The following RTN1 variants were observed in gnomAD, a reference collection of about 807,000 sequenced individuals.
RTN1 encodes reticulon 1.
In RTN1, 25 loss-of-function variants were observed where a neutral mutation model predicts 65.5. The ratio of observed to expected loss-of-function variants is 0.38; its 90% CI spans 0.28 to 0.53. The LOEUF is 0.53. RTN1 is among the 20% of genes least tolerant of loss of function. The pLI is 0.79. For synonymous variants in RTN1, 471 were observed against 447.6 expected (o/e 1.05, Z -0.66); for missense variants, 983 against 1,025.4 (o/e 0.96, Z 0.57).
chr14:59,815,930 C>G (rs1886813066), intron 1 of RTN1, among the ~76,000 whole-genome samples: 1 of 152,200 alleles, frequency 6.6e-6, no homozygotes, highest in African/African-American at 2.4e-5. Flanking sequence ...TAGTTCCACC[C>G]TTCATGCCTT....
At chr14:59,676,501 G>T (rs1188309874) in intron 3 of RTN1, among the ~76,000 whole-genome samples, 1 of 152,154 alleles carries the variant, frequency 6.6e-6, no homozygotes, top group Non-Finnish European at 1.5e-5. Flanking sequence ...ACGAAATTAT[G>T]TGAGAAACCC....
chr14:59,842,588 G>C (rs970276000), intron 1 of RTN1, among the ~76,000 whole-genome samples: 1 of 152,012 alleles, frequency 6.6e-6, no homozygotes, highest in Non-Finnish European at 1.5e-5. Context: ...AGGGTTGGTA[G>C]AGAAAATATG....
At chr14:59,730,059 C>G (rs1206377763) in intron 2 of RTN1, among the ~76,000 whole-genome samples, 1 of 152,206 alleles carries the variant, frequency 6.6e-6, no homozygotes, top group African/African-American at 2.4e-5. Flanking sequence ...GTTTTCTTGG[C>G]CATCTTTACA....
chr14:59,673,282 C>T (rs17731398), intron 3 of RTN1, among the ~76,000 whole-genome samples: 53,641 of 151,692 alleles, frequency 0.35, 10,939 homozygotes, highest in East Asian at 0.47. Flanking sequence ...GGGAGTGGTG[C>T]CCAGAAGCTT....
intron 3 of RTN1, among the ~76,000 whole-genome samples, chr14:59,709,663 C>A (rs1010531620): frequency 1.3e-5 from 2 of 152,114 alleles, no homozygotes; most frequent in Admixed American, 1.3e-4. Context: ...TATGGGGGTC[C>A]AGGCAGACAA....
chr14:59,771,414 T>G (rs1231023960), intron 1 of RTN1, among the ~76,000 whole-genome samples: 1 of 152,234 alleles, frequency 6.6e-6, no homozygotes, highest in African/African-American at 2.4e-5. Flanking sequence ...CAACTTGGCT[T>G]CTTAACTTTT....
intron 1 of RTN1, among the ~76,000 whole-genome samples, chr14:59,839,236 G>A (rs1887267784): frequency 6.6e-6 from 1 of 152,056 alleles, no homozygotes; most frequent in African/African-American, 2.4e-5. Context: ...ATATGCAGAT[G>A]TAACTCAGTT....
rs1241188732 is a variant in RTN1 at position 59,774,509 on chromosome 14, G to A, written c.242-28028C>T. 6.6e-6 allele frequency among the ~76,000 whole-genome samples: 1 copy of A among 151,942 alleles called. No individual in the cohort carries two copies. Among genetic ancestry groups the A allele is most frequent in the Non-Finnish European group, 1.5e-5 (1 of 68,016 alleles). On this transcript the variant is annotated intron_variant, in intron 1 of 8. Coordinates refer to ENST00000267484, the MANE Select transcript of RTN1 (RefSeq NM_021136.3). This position sits in a 1 kb window ranked among gnomAD's most constrained non-coding sequence, Gnocchi z 5.1. ...ATGCAGGCCAAAAATATGTCTGAAA[G>A]CTACTTGGCAATTTCACTCCACACT...
chr14:59,668,613 T>G (rs1883432833), intron 3 of RTN1, among the ~76,000 whole-genome samples: 1 of 152,070 alleles, frequency 6.6e-6, no homozygotes, highest in Non-Finnish European at 1.5e-5. Context: ...GGGATCTAAT[T>G]AAACTAAAGA....
chr14:59,853,632 G>T (rs1345724747), intron 1 of RTN1, among the ~76,000 whole-genome samples: 3 of 152,034 alleles, frequency 2.0e-5, no homozygotes, highest in Non-Finnish European at 4.4e-5. Flanking sequence ...AGTATTCCCA[G>T]CTCTCTCCTA....
intron 1 of RTN1, among the ~76,000 whole-genome samples, chr14:59,842,788 T>C (rs1420949263): frequency 6.6e-6 from 1 of 152,212 alleles, no homozygotes. Context: ...TGGGGAGGAT[T>C]GAGATTCCAC....
At chr14:59,692,652 C>T (rs753446224) in intron 3 of RTN1, among the ~76,000 whole-genome samples, 32 of 152,242 alleles carry the variant, frequency 2.1e-4, no homozygotes, top group Admixed American at 4.6e-4. Context: ...TATTGCCCAA[C>T]TTCAAACTAT....
At chr14:59,648,768 G>A (rs192107775) in intron 3 of RTN1, among the ~76,000 whole-genome samples, 2 of 152,256 alleles carry the variant, frequency 1.3e-5, no homozygotes, top group African/African-American at 4.8e-5. Context: ...AATAAACTTT[G>A]TATTGAAGGA....
At chr14:59,817,089 TC>T (rs1886834663) in intron 1 of RTN1, among the ~76,000 whole-genome samples, 1 of 152,030 alleles carries the variant, frequency 6.6e-6, no homozygotes. Context: ...CTTTTTTTTT[TC>T]CTACTTATTC....
At position 59,870,358 on chromosome 14, in the gene RTN1, C is replaced by G; in HGVS notation, c.241+32G>C. 1 of 1,469,634 alleles carries G rather than the reference C, an allele frequency of 6.8e-7. No individual in the cohort carries two copies. Among genetic ancestry groups the G allele is most frequent in the Non-Finnish European group, 8.9e-7 (1 of 1,119,716 alleles). The allele number at this position is 1,469,634 out of a possible 1,614,324, so 91.0% of individuals were successfully genotyped here. ...CTGACTGGGGGGCCCTGGTCCCCGA[C>G]GCCATTTGAGGGGCAGCGGCGCCCG... On this transcript the variant is annotated intron_variant, in intron 1 of 8. Coordinates refer to ENST00000267484, the MANE Select transcript of RTN1 (RefSeq NM_021136.3). The surrounding 1 kb of genome is among the most constrained non-coding windows in gnomAD (Gnocchi z 5.1).
chr14:59,774,224 A>T lies in RTN1; in HGVS notation c.242-27743T>A, dbSNP rs78665573. 2.3e-3 allele frequency among the ~76,000 whole-genome samples: 355 copies of T among 152,322 alleles called. 1 individual carries two copies. Among genetic ancestry groups the T allele is most frequent in the African/African-American group, 8.3e-3 (346 of 41,568 alleles). The stretch of plus-strand genomic sequence containing the variant: ...GCTCTTTATTTTTCTATGGCAAAGA[A>T]TGTGAATCTCTTACTAAACTGACTG... On this transcript the variant is annotated intron_variant, in intron 1 of 8. Transcript: ENST00000267484. The surrounding 1 kb of genome is among the most constrained non-coding windows in gnomAD (Gnocchi z 5.1).
chr14:59,751,145 C>A (rs950782583), intron 1 of RTN1, among the ~76,000 whole-genome samples: 1 of 146,008 alleles, frequency 6.8e-6, no homozygotes, highest in Non-Finnish European at 1.5e-5. Context: ...TTGTGAGCAA[C>A]AGACTAGTTG....
chr14:59,854,749 C>T (rs1348071094), intron 1 of RTN1, among the ~76,000 whole-genome samples: 1 of 151,716 alleles, frequency 6.6e-6, no homozygotes, highest in East Asian at 1.9e-4. Context: ...TGCCAAGGTT[C>T]ATCAAATCTG....
At chr14:59,860,256 CATGGCTG>C (rs1194850437) in intron 1 of RTN1, among the ~76,000 whole-genome samples, 1 of 152,224 alleles carries the variant, frequency 6.6e-6, no homozygotes, top group African/African-American at 2.4e-5. Context: ...CCACTCCAGC[CATGGCTG>C]AAAGGGGACA....
Sources: allele counts gnomAD v4.1 joint callset (sites outside exome capture counted in the v4.1 genomes callset), GRCh38; gene constraint gnomAD v4.1.1; non-coding constraint Gnocchi (gnomAD v3.1); transcripts MANE v1.5; gene names NCBI Gene and HGNC (gene_info 2026-07-23, HGNC 2026-07-21).